The following CACNA1C variants were observed in gnomAD, a reference collection of about 807,000 sequenced individuals.
CACNA1C encodes voltage-dependent L-type calcium channel subunit alpha-1C.
In CACNA1C, 30 loss-of-function variants were observed where a neutral mutation model predicts 229.0. That is an observed-to-expected ratio of 0.13 (90% CI 0.10 to 0.18). The LOEUF (loss-of-function observed/expected upper bound fraction) is 0.18, where lower values mean the gene tolerates loss of function less well. Ranked by LOEUF, CACNA1C falls within the 10% of genes least tolerant of loss-of-function variation. The pLI, the probability that CACNA1C is intolerant of heterozygous loss-of-function variation, is 1.00. For synonymous variants in CACNA1C, 1,114 were observed against 1,132.5 expected, an observed-to-expected ratio of 0.98 and a Z score of 0.33; for missense variants, 1,658 against 2,845.0, an observed-to-expected ratio of 0.58 and a Z score of 9.49.
Position 2,512,850 on chromosome 12 carries a change from G to C in CACNA1C, c.1256G>C (p.Gly419Ala), listed in dbSNP as rs563266850. 6.2e-7 allele frequency: 1 copy of C among 1,613,434 alleles called. No homozygotes were observed. Among genetic ancestry groups the C allele is most frequent in the Non-Finnish European group, 8.5e-7 (1 of 1,179,724 alleles). Residue 419 changes from glycine (G) to alanine (A), a missense_variant, in exon 9 of 47, where the codon GGA (glycine) becomes GCA (alanine). Around this residue, in one of 20 missense-constraint regions of CACNA1C, gnomAD observed 84 missense variants for 202.6 expected, o/e 0.41. Transcript: ENST00000399655. This position sits in a 1 kb window ranked among gnomAD's most constrained non-coding sequence, Gnocchi z 4.3. ...SKEREKAKAR[G>A]DFQKLREKQQ... ...GAGAGGGAGAAGGCCAAGGCCCGGG[G>C]AGATTTCCAGAAGCTGCGGGAGAAG...
intron 3 of CACNA1C, among the ~76,000 whole-genome samples, chr12:2,124,851 T>C (rs538104539): frequency 3.5e-4 from 53 of 152,096 alleles, no homozygotes; most frequent in Non-Finnish European, 7.4e-4. Context: ...GATTAGGGAT[T>C]GTCAAGTGGA....
At chr12:2,561,494 G>A (rs1015153921) in intron 11 of CACNA1C, among the ~76,000 whole-genome samples, 1 of 152,234 alleles carries the variant, frequency 6.6e-6, no homozygotes, top group Non-Finnish European at 1.5e-5. Flanking sequence ...ACTAAAATGA[G>A]TAATGCAGAC....
intron 38 of CACNA1C, chr12:2,672,279 C>T (rs527492652): frequency 1.3e-5 from 2 of 152,104 alleles, no homozygotes; most frequent in Non-Finnish European, 2.9e-5. Flanking sequence ...GTGAAAAATA[C>T]TTAGATGACA....
Position 2,486,719 on chromosome 12 carries a change from T to C in CACNA1C, c.916+457T>C, listed in dbSNP as rs2099699216. ...GTTCTCCCAGCACCACTCTAAGATT[T>C]TTCTACCTTCATGGTGCTGATTCCA... On this transcript the variant is annotated intron_variant, in intron 6 of 46. Coordinates refer to ENST00000399655, the MANE Select transcript of CACNA1C (RefSeq NM_000719.7). The surrounding 1 kb of genome is among the most constrained non-coding windows in gnomAD (Gnocchi z 4.9). 6.6e-6 allele frequency among the ~76,000 whole-genome samples: 1 copy of C among 152,180 alleles called. No homozygotes were observed. Among genetic ancestry groups the C allele is most frequent in the Non-Finnish European group, 1.5e-5 (1 of 68,026 alleles).
At chr12:2,611,522 G>A (rs576575304) in intron 28 of CACNA1C, among the ~76,000 whole-genome samples, 29 of 152,098 alleles carry the variant, frequency 1.9e-4, no homozygotes, top group Middle Eastern at 3.4e-3. Flanking sequence ...GAGAGGGGAG[G>A]AGATGGAGAA....
At chr12:2,211,340 G>A (rs1180859661) in intron 3 of CACNA1C, among the ~76,000 whole-genome samples, 2 of 152,246 alleles carry the variant, frequency 1.3e-5, no homozygotes, top group East Asian at 1.9e-4. Flanking sequence ...TGGTGAGAAC[G>A]TCAGGTTTTG....
Position 2,105,035 on chromosome 12 carries a change from T to C in CACNA1C, c.50-10189T>C, listed in dbSNP as rs146901304. Among the ~76,000 whole-genome samples, 673 of 152,338 alleles carry C rather than the reference T, an allele frequency of 4.4e-3. 5 individuals carry two copies. The highest frequency in any genetic ancestry group is 0.016 in the African/African-American group (647 of 41,580). On this transcript the variant is annotated intron_variant, in intron 1 of 46. Transcript: ENST00000399655. ...CAGGGTCCTCTCACCGAAGCAGTGT[T>C]GGCCTTGTGGTCATCGCAGGTGGTT...
At chr12:1,994,611 A>G (rs2040355156) in intron 1 of CACNA1C, among the ~76,000 whole-genome samples, 1 of 152,230 alleles carries the variant, frequency 6.6e-6, no homozygotes, top group African/African-American at 2.4e-5. Context: ...GGAACTGTCA[A>G]GTTCAGAAAT....
chr12:2,022,391 TCTTTATTTAG>T (rs2046611869), intron 1 of CACNA1C, among the ~76,000 whole-genome samples: 1 of 152,146 alleles, frequency 6.6e-6, no homozygotes, highest in Non-Finnish European at 1.5e-5. Context: ...AGTGTTTTGG[TCTTTATTTAG>T]AAATTTGGGG....
chr12:2,508,437 G>A (rs886666076), intron 8 of CACNA1C, among the ~76,000 whole-genome samples: 6 of 152,256 alleles, frequency 3.9e-5, no homozygotes, highest in Admixed American at 2.6e-4. Context: ...ATCATGCGAA[G>A]CTAGGAGTTT....
intron 3 of CACNA1C, among the ~76,000 whole-genome samples, chr12:2,358,826 G>A (rs764049208): frequency 8.5e-5 from 13 of 152,060 alleles, no homozygotes; most frequent in Non-Finnish European, 1.8e-4. Context: ...GTCCTCACTG[G>A]AGGTGCAGTC....
chr12:2,641,278 C>T (rs534718223), intron 30 of CACNA1C, among the ~76,000 whole-genome samples: 3 of 152,156 alleles, frequency 2.0e-5, no homozygotes, highest in Non-Finnish European at 4.4e-5. Flanking sequence ...TAGATGAGGA[C>T]ACAAAAGGCC....
rs114086762 is a variant in CACNA1C at position 2,678,685 on chromosome 12, G to A, written c.5092-759G>A. Reference sequence around the variant, plus strand: ...CCGTCTCTTCCTCATCCTTATTCTTGTCACTGGGAGACATTCGTCACTGAG... The same window carrying A: ...CCGTCTCTTCCTCATCCTTATTCTTATCACTGGGAGACATTCGTCACTGAG... On this transcript the variant is annotated intron_variant, in intron 41 of 46. Coordinates refer to ENST00000399655, the MANE Select transcript of CACNA1C (RefSeq NM_000719.7). This position sits in a 1 kb window ranked among gnomAD's most constrained non-coding sequence, Gnocchi z 4.1. 3.9e-3 allele frequency among the ~76,000 whole-genome samples: 596 copies of A among 152,256 alleles called. 5 individuals are homozygous for A. Among genetic ancestry groups the A allele is most frequent in the African/African-American group, 0.014 (565 of 41,542 alleles).
At chr12:2,002,181 C>G (rs535236175) in intron 1 of CACNA1C, among the ~76,000 whole-genome samples, 2 of 152,144 alleles carry the variant, frequency 1.3e-5, no homozygotes, top group African/African-American at 2.4e-5. Flanking sequence ...ATTTTCAGGG[C>G]AATAAGAATT....
chr12:2,553,710 C>T (rs1482379545), intron 10 of CACNA1C, among the ~76,000 whole-genome samples: 6 of 152,194 alleles, frequency 3.9e-5, no homozygotes, highest in Non-Finnish European at 8.8e-5. Flanking sequence ...TGTGTGGTAT[C>T]GCGGGCAACA....
At chr12:2,280,294 C>T (rs2090713909) in intron 3 of CACNA1C, among the ~76,000 whole-genome samples, 1 of 78,430 alleles carries the variant, frequency 1.3e-5, no homozygotes, top group Non-Finnish European at 2.3e-5. Flanking sequence ...TCGGTTTAAC[C>T]TCTTGATACC....
In CACNA1C at chr12:2,664,460, C is replaced by T. The variant is rs537568859; in HGVS notation, c.4233-365C>T. Among the ~76,000 whole-genome samples, 4 of 152,248 alleles carry T rather than the reference C, an allele frequency of 2.6e-5. No individual in the cohort carries two copies. In the East Asian group the frequency reaches 7.7e-4, roughly 29 times the overall value. ...GAAAAAATGAAAAACCTAAATGTTC[C>T]TTAACAGGACAGTGGATTTTTTTAC... On this transcript the variant is annotated intron_variant, in intron 34 of 46. Coordinates refer to ENST00000399655, the MANE Select transcript of CACNA1C (RefSeq NM_000719.7).
At chr12:2,225,675 A>AGCCTCAGACTTAAGC (rs1283054354) in intron 3 of CACNA1C, among the ~76,000 whole-genome samples, 1 of 152,124 alleles carries the variant, frequency 6.6e-6, no homozygotes, top group Non-Finnish European at 1.5e-5. Context: ...GTCAACTAAT[A>AGCCTCAGACTTAAGC]CTCAGACATT....
chr12:2,301,333 T>G (rs2094543998), intron 3 of CACNA1C, among the ~76,000 whole-genome samples: 1 of 152,116 alleles, frequency 6.6e-6, no homozygotes, highest in African/African-American at 2.4e-5. Context: ...TAAAATGACA[T>G]TTACAAGAAT....
Sources: allele counts gnomAD v4.1 joint callset (sites outside exome capture counted in the v4.1 genomes callset), GRCh38; gene constraint gnomAD v4.1.1; regional missense constraint gnomAD v4.1.1; non-coding constraint Gnocchi (gnomAD v3.1); transcripts MANE v1.5; gene names NCBI Gene and HGNC (gene_info 2026-07-23, HGNC 2026-07-21).